The following KCNAB3 variants were observed in gnomAD, a reference collection of about 807,000 sequenced individuals.
The protein encoded by KCNAB3 is potassium voltage-gated channel subfamily A regulatory beta subunit 3, also known as voltage-gated potassium channel subunit beta-3.
Under a neutral mutation model 67.7 loss-of-function variants are expected in KCNAB3, and 62 were observed. The observed-to-expected ratio is 0.92, with a 90% CI of 0.75 to 1.13. The LOEUF is 1.13. Ranked by LOEUF, KCNAB3 falls within the 50% of genes most tolerant of loss-of-function variation. The pLI is 0.00. For missense variants in KCNAB3, 514 were observed against 522.9 expected, an observed-to-expected ratio of 0.98 and a Z score of 0.17; for synonymous variants, 212 against 205.4, an observed-to-expected ratio of 1.03 and a Z score of -0.27.
rs1328211741 is a variant in KCNAB3, at chr17:7,923,832, C to G, written c.928-1G>C. On this transcript the variant is annotated splice_acceptor_variant, in intron 11 of 13. Transcript: ENST00000303790. LOFTEE classifies it high-confidence loss of function. ...CTTTGTCCTTGAGCCACTGGTAGCC[C>G]TGGAGGCCAAGAAGAATCAACAGAA... The G allele has an allele frequency of 3.2e-6, 5 of 1,571,922 alleles. No individual in the cohort carries two copies. The highest frequency in any genetic ancestry group is 4.3e-6 in the Non-Finnish European group (5 of 1,158,308).
intron 4 of KCNAB3, among the ~76,000 whole-genome samples, chr17:7,926,949 G>A (rs555621188): frequency 3.2e-4 from 49 of 152,296 alleles, no homozygotes; most frequent in African/African-American, 1.1e-3. Context: ...AGTTCTTGAA[G>A]GAGCGGACAC....
Position 7,929,463 on chromosome 17 carries a change from C to G in KCNAB3, c.-28G>C. On this transcript the variant is annotated 5_prime_UTR_variant, in exon 1 of 14. Coordinates refer to ENST00000303790, the MANE Select transcript of KCNAB3 (RefSeq NM_004732.4). The surrounding 1 kb of genome is among the most constrained non-coding windows in gnomAD (Gnocchi z 5.7). ...TGGCTGGCCGAGGCGGGGGAGGGGG[C>G]TCCGAGGGGACGGGAGGGGGGAGCA... 1 of 1,523,440 alleles carries G rather than the reference C, an allele frequency of 6.6e-7. No homozygotes were observed. Among genetic ancestry groups the G allele is most frequent in the Admixed American group, 2.0e-5 (1 of 49,308 alleles). The allele number at this position is 1,523,440 out of a possible 1,614,324, so 94.4% of individuals were successfully genotyped here.
Position 7,922,118 on chromosome 17 carries a change from G to A in KCNAB3, c.*984C>T, listed in dbSNP as rs901161027. 6.6e-6 allele frequency: 1 copy of A among 152,192 alleles called. No homozygotes were observed. The highest frequency in any genetic ancestry group is 1.9e-4 in the East Asian group (1 of 5,196). The allele number at this position is 152,192 out of a possible 1,614,324, so 9.4% of individuals were successfully genotyped here. A position where few individuals can be genotyped will look rare whatever the true frequency, so the allele number is the denominator to read the frequency against. On this transcript the variant is annotated 3_prime_UTR_variant, in exon 14 of 14. Transcript: ENST00000303790. Reference sequence around the variant, plus strand: ...TAGCAGATTTCTAATGTTAGGGGGCGAGAGGGCCAGACAAGTGAGACTGTG... The same window carrying A: ...TAGCAGATTTCTAATGTTAGGGGGCAAGAGGGCCAGACAAGTGAGACTGTG...
intron 1 of KCNAB3, 124 bp from the exon 2 acceptor site, chr17:7,927,950 C>T: frequency 8.7e-7 from 1 of 1,146,594 alleles, no homozygotes; most frequent in South Asian, 1.2e-5. Context: ...GAAATTAGAC[C>T]CAGTGGGCCT....
At position 7,924,374 on chromosome 17, in the gene KCNAB3, AC is replaced by A. The variant is rs757116777; in HGVS notation, c.711+40del. On this transcript the variant is annotated intron_variant, in intron 9 of 13. Transcript: ENST00000303790. ...TGGAGTAACCACGTGAAAAGTGGGAACCAGTTGTGGGACAGGGGCAAGGTGG... is the reference window on the plus strand; with the variant it reads ...TGGAGTAACCACGTGAAAAGTGGGAACAGTTGTGGGACAGGGGCAAGGTGG... 13 of 1,609,690 alleles carry A rather than the reference AC, an allele frequency of 8.1e-6. No individual in the cohort carries two copies. The Admixed American group carries it at 2.0e-4, about 25-fold the overall frequency.
chr17:7,926,330 C>A lies in KCNAB3; in HGVS notation c.405-227G>T, dbSNP rs79721581. Among the ~76,000 whole-genome samples, 571 of 152,270 alleles carry A rather than the reference C, an allele frequency of 3.7e-3. 6 individuals are homozygous for A. In the East Asian group the frequency reaches 0.057, roughly 15 times the overall value. On this transcript the variant is annotated intron_variant, in intron 4 of 13. Transcript: ENST00000303790. ...ATATCTGTTGTGCATTAGCTGTGTA[C>A]CAAGCCCTGCTGTGGGTGCCAAAAA...
rs9891006 is a variant in KCNAB3, at chr17:7,922,256, T to G, written c.*846A>C. ...AAGGGGCCATCATTATTGCTTTAGG[T>G]TTATTGCCAGGAGGAAGACTGCAGT... On this transcript the variant is annotated 3_prime_UTR_variant, in exon 14 of 14. Transcript: ENST00000303790. The G allele has an allele frequency of 0.56, 84,588 of 152,076 alleles. 24,259 individuals are homozygous for G. Among genetic ancestry groups the G allele is most frequent in the East Asian group, 0.87 (4,530 of 5,178 alleles). The allele number at this position is 152,076 out of a possible 1,614,324, so 9.4% of individuals were successfully genotyped here.
chr17:7,923,930 A>T, intron 11 of KCNAB3, 38 bp downstream of exon 11: 1 of 1,478,048 alleles, frequency 6.8e-7, no homozygotes, highest in South Asian at 1.2e-5. Context: ...AGCAGCCCAT[A>T]TAGCCCAGTC....
chr17:7,923,401 C>CTT (rs1485614728), intron 13 of KCNAB3, 55 bp downstream of exon 13: 2 of 1,545,076 alleles, frequency 1.3e-6, no homozygotes, highest in Non-Finnish European at 1.8e-6. Context: ...GATAGCGTGG[C>CTT]TTTGACTCCT....
In KCNAB3 at chr17:7,923,101, A is replaced by G; in HGVS notation, c.*1T>C. ...GGTTGGGTCCCTGCGCCCGCGACAG[A>G]CTACTTCTTGGAATGCGGCTTGTTT... On this transcript the variant is annotated 3_prime_UTR_variant, in exon 14 of 14. Transcript: ENST00000303790. 1 of 1,614,024 alleles carries G rather than the reference A, an allele frequency of 6.2e-7. No homozygotes were observed. Among genetic ancestry groups the G allele is most frequent in the Non-Finnish European group, 8.5e-7 (1 of 1,179,952 alleles).
chr17:7,929,825 G>C lies in KCNAB3; in HGVS notation c.-390C>G. Reference sequence around the variant, plus strand: ...CGCGAACCGCTGCGGGACCCGCTGGGCTCCCAGCCGCGTCGGCAGCGGGCC... The same window carrying C: ...CGCGAACCGCTGCGGGACCCGCTGGCCTCCCAGCCGCGTCGGCAGCGGGCC... On this transcript the variant is annotated 5_prime_UTR_variant, in exon 1 of 14. Coordinates refer to ENST00000303790, the MANE Select transcript of KCNAB3 (RefSeq NM_004732.4). This position sits in a 1 kb window ranked among gnomAD's most constrained non-coding sequence, Gnocchi z 5.7. 1 of 1,016,224 alleles carries C rather than the reference G, an allele frequency of 9.8e-7. No homozygotes were observed. The highest frequency in any genetic ancestry group is 1.2e-6 in the Non-Finnish European group (1 of 850,660). The allele number at this position is 1,016,224 out of a possible 1,614,324, so 63.0% of individuals were successfully genotyped here.
At chr17:7,924,368 G>A in intron 9 of KCNAB3, 47 bp downstream of exon 9, 1 of 1,609,328 alleles carries the variant, frequency 6.2e-7, no homozygotes, top group African/African-American at 1.3e-5. Flanking sequence ...CACGTGAAAA[G>A]TGGGAACCAG....
At chr17:7,924,563 G>A in intron 8 of KCNAB3, 63 bp from the exon 9 acceptor site, 2 of 1,529,684 alleles carry the variant, frequency 1.3e-6, no homozygotes, top group Non-Finnish European at 1.8e-6. Context: ...CTCCAGATTT[G>A]CAGACCTCCA....
chr17:7,924,627 A>C, intron 8 of KCNAB3, 127 bp from the exon 9 acceptor site: 1 of 1,409,772 alleles, frequency 7.1e-7, no homozygotes, highest in Non-Finnish European at 9.2e-7. Context: ...GTTAATATCT[A>C]CTCTTTGCCT....
chr17:7,927,032 T>G, intron 4 of KCNAB3: 1 of 333,016 alleles, frequency 3.0e-6, no homozygotes, highest in South Asian at 3.2e-5. Flanking sequence ...ATCCTAGGTT[T>G]TCCCTGCTCC....
At position 7,923,840 on chromosome 17, in the gene KCNAB3, C is replaced by A; in HGVS notation, c.928-9G>T. ...TTGAGCCACTGGTAGCCCTGGAGGC[C>A]AAGAAGAATCAACAGAAGACCCCGC... On this transcript the variant is annotated splice_polypyrimidine_tract_variant and intron_variant, in intron 11 of 13. Transcript: ENST00000303790. 1 of 1,567,770 alleles carries A rather than the reference C, an allele frequency of 6.4e-7. No individual in the cohort carries two copies. The highest frequency in any genetic ancestry group is 2.3e-5 in the East Asian group (1 of 42,966).
At chr17:7,926,931 T>C (rs189224068) in intron 4 of KCNAB3, among the ~76,000 whole-genome samples, 7 of 151,728 alleles carry the variant, frequency 4.6e-5, no homozygotes, top group African/African-American at 9.7e-5. Context: ...CTCTGGGGAG[T>C]TGGGCAAAGT....
Position 7,927,694 on chromosome 17 carries a change from C to T in KCNAB3, c.287G>A (p.Gly96Asp), listed in dbSNP as rs765053055. ...SGLRVSCLGL[G>D]TWVTFGSQIS... ...CTGAGAACCAAATGTGACCCAGGTA[C>T]CTGCAAGAGAGAAGCCAGGCACATG... Residue 96 changes from glycine (G) to aspartate (D), a missense_variant and splice_region_variant, in exon 3 of 14, where the codon GGT becomes GAT. Coordinates refer to ENST00000303790, the MANE Select transcript of KCNAB3 (RefSeq NM_004732.4). 6.2e-7 allele frequency: 1 copy of T among 1,614,184 alleles called. No individual in the cohort carries two copies. Among genetic ancestry groups the T allele is most frequent in the Admixed American group, 1.7e-5 (1 of 60,026 alleles).
Position 7,924,197 on chromosome 17 carries a change from C to T in KCNAB3, c.780G>A (p.Leu260=), listed in dbSNP as rs1179543842. 1 of 1,614,124 alleles carries T rather than the reference C, an allele frequency of 6.2e-7. No homozygotes were observed. The highest frequency in any genetic ancestry group is 1.7e-5 in the Admixed American group (1 of 60,008). ...GCATCTCCACCTTCTCCCTCTGAAA[C>T]AGATGGTGCTCCGCTTGTTCACACA... ...PPVCEQAEHH[L]FQREKVEMQL... Residue 260 remains leucine (L), a synonymous_variant, in exon 10 of 14, where the codon CTG becomes CTA. Transcript: ENST00000303790.
Sources: allele counts gnomAD v4.1 joint callset (sites outside exome capture counted in the v4.1 genomes callset), GRCh38; gene constraint gnomAD v4.1.1; non-coding constraint Gnocchi (gnomAD v3.1); transcripts MANE v1.5; gene names NCBI Gene and HGNC (gene_info 2026-07-23, HGNC 2026-07-21).